The following GET4 variants were observed in gnomAD, a reference collection of about 807,000 sequenced individuals.
GET4 encodes the protein Golgi to ER traffic protein 4 homolog.
In GET4, 20 loss-of-function variants were observed where a neutral mutation model predicts 40.0. The ratio of observed to expected loss-of-function variants is 0.50; its 90% CI spans 0.35 to 0.73. The LOEUF is 0.73. Ranked by LOEUF, GET4 falls within the 30% of genes least tolerant of loss-of-function variation. GET4 has a pLI of 0.01. For synonymous variants in GET4, 280 were observed against 194.6 expected, an observed-to-expected ratio of 1.44 and a Z score of -3.65; for missense variants, 557 against 454.0, an observed-to-expected ratio of 1.23 and a Z score of -2.06.
intron 4 of GET4, among the ~76,000 whole-genome samples, chr7:888,059 C>T (rs923018260): frequency 6.6e-5 from 10 of 152,126 alleles, no homozygotes; most frequent in Admixed American, 1.3e-4. Flanking sequence ...GCGTCCTCCC[C>T]AGGGCATTCC....
At chr7:890,827 CGGGCAGGT>C (rs1375419218) in intron 4 of GET4, 93 bp from the exon 5 acceptor site, 1 of 939,112 alleles carries the variant, frequency 1.1e-6, no homozygotes, top group Non-Finnish European at 1.7e-6. Flanking sequence ...TCCTCCAGGG[CGGGCAGGT>C]GGGCTAGAAT....
In GET4 at chr7:887,585, TC is replaced by T. The variant is rs749774080; in HGVS notation, c.466+68del. 824 of 1,253,838 alleles carry T rather than the reference TC, an allele frequency of 6.6e-4. 1 individual carries two copies. Among genetic ancestry groups the T allele is most frequent in the Non-Finnish European group, 8.2e-4 (769 of 933,044 alleles). The allele number at this position is 1,253,838 out of a possible 1,614,324, so 77.7% of individuals were successfully genotyped here. ...CTCGGCGTTGATTTGCACTGTGCGT[TC>T]CAATACATCAGGGTCACCCACCAGG... On this transcript the variant is annotated intron_variant, in intron 4 of 8. Coordinates refer to ENST00000265857, the MANE Select transcript of GET4 (RefSeq NM_015949.3).
chr7:892,461 C>T lies in GET4; in HGVS notation c.746+43C>T, dbSNP rs183022106. 5,184 of 1,573,434 alleles carry T rather than the reference C, an allele frequency of 3.3e-3. 18 individuals carry two copies. Among genetic ancestry groups the T allele is most frequent in the Non-Finnish European group, 3.7e-3 (4,288 of 1,150,006 alleles). ...GCAGGGGGAGGGGGCTGTGAATGTGCGGGTTGTGTGTAGACGTGGTGTGGA... is the reference window on the plus strand; with the variant it reads ...GCAGGGGGAGGGGGCTGTGAATGTGTGGGTTGTGTGTAGACGTGGTGTGGA... On this transcript the variant is annotated intron_variant, in intron 6 of 8. Coordinates refer to ENST00000265857, the MANE Select transcript of GET4 (RefSeq NM_015949.3).
At chr7:894,063 C>T (rs1017221525) in intron 8 of GET4, 92 bp downstream of exon 8, 5 of 693,824 alleles carry the variant, frequency 7.2e-6, no homozygotes, top group African/African-American at 1.8e-5. Context: ...CGGTCCTTCA[C>T]GTGGAAGTGG....
Position 892,428 on chromosome 7 carries a change from G to C in GET4, c.746+10G>C. ...TGCTGGCTGTGGACGGGTGCGTCTT[G>C]GGATCCTGCAGGGGGAGGGGGCTGT... On this transcript the variant is annotated intron_variant, in intron 6 of 8. Coordinates refer to ENST00000265857, the MANE Select transcript of GET4 (RefSeq NM_015949.3). 6.3e-7 allele frequency: 1 copy of C among 1,584,360 alleles called. No homozygotes were observed. Among genetic ancestry groups the C allele is most frequent in the Non-Finnish European group, 8.6e-7 (1 of 1,156,464 alleles).
intron 4 of GET4, among the ~76,000 whole-genome samples, chr7:889,006 C>T (rs2128628454): frequency 6.6e-6 from 1 of 152,360 alleles, no homozygotes; most frequent in Non-Finnish European, 1.5e-5. Context: ...TGGCGTGGGA[C>T]AGGTGATGCC....
In GET4 at chr7:883,457, C is replaced by G. The variant is rs1285406567; in HGVS notation, c.156-2599C>G. 5 of 965,576 alleles carry G rather than the reference C, an allele frequency of 5.2e-6. No individual in the cohort carries two copies. In the African/African-American group the frequency reaches 8.8e-5, roughly 17 times the overall value. 59.8% of individuals were successfully genotyped at this position (965,576 alleles called of 1,614,324 possible). A position where few individuals can be genotyped will look rare whatever the true frequency, so the allele number is the denominator to read the frequency against. On this transcript the variant is annotated intron_variant, in intron 1 of 8. Coordinates refer to ENST00000265857, the MANE Select transcript of GET4 (RefSeq NM_015949.3). ...GCCACTAGTTCTAATGCTTGCGTTT[C>G]TGTGTTCTGCTTTTTAATGTTTTTG...
At chr7:891,415 C>G (rs1844319382) in intron 5 of GET4, among the ~76,000 whole-genome samples, 1 of 152,248 alleles carries the variant, frequency 6.6e-6, no homozygotes. Flanking sequence ...TTGTGAGCAT[C>G]TACCCCGCGG....
chr7:880,840 C>T (rs74389110), intron 1 of GET4: 17,450 of 152,208 alleles, frequency 0.11, 1,189 homozygotes, highest in South Asian at 0.24. Context: ...GGTGTATCGC[C>T]GCCAGAGAAG....
At chr7:883,573 A>C (rs1844128383) in intron 1 of GET4, 1 of 984,360 alleles carries the variant, frequency 1.0e-6, no homozygotes, top group Admixed American at 6.1e-5. Flanking sequence ...ACCAGCGCTC[A>C]CTGGCTCTCA....
intron 1 of GET4, chr7:884,151 G>A (rs1202470486): frequency 7.8e-6 from 10 of 1,280,934 alleles, no homozygotes; most frequent in Admixed American, 4.7e-5. Context: ...CATCCAGAAC[G>A]CTGTAGTATC....
intron 5 of GET4, 53 bp from the exon 6 acceptor site, chr7:892,225 G>A: frequency 6.4e-7 from 1 of 1,571,850 alleles, no homozygotes. Context: ...CGCCTGTGCG[G>A]GCAGAAGCTG....
intron 1 of GET4, chr7:882,028 A>G (rs893191493): frequency 6.6e-6 from 1 of 152,188 alleles, no homozygotes; most frequent in Non-Finnish European, 1.5e-5. Context: ...ATGGCTGCAT[A>G]GTATTCCGCG....
chr7:886,787 TC>T, intron 3 of GET4, 137 bp downstream of exon 3: 1 of 654,910 alleles, frequency 1.5e-6, no homozygotes, highest in African/African-American at 1.8e-5. Context: ...CAGAGGCAGT[TC>T]CCACCCGGTC....
intron 1 of GET4, chr7:884,144 C>A: frequency 7.9e-7 from 1 of 1,271,358 alleles, no homozygotes; most frequent in South Asian, 1.3e-5. Context: ...ATAGAAGCAT[C>A]CAGAACGCTG....
At chr7:877,667 C>T (rs1843990667) in intron 1 of GET4, among the ~76,000 whole-genome samples, 1 of 134,756 alleles carries the variant, frequency 7.4e-6, no homozygotes, top group Non-Finnish European at 1.6e-5. Flanking sequence ...CCTTCACCTG[C>T]TCCCCACCCC....
chr7:876,765 C>G lies in GET4; in HGVS notation c.120C>G (p.Tyr40Ter), dbSNP rs1260491226. 1.5e-6 allele frequency: 2 copies of G among 1,348,290 alleles called. No homozygotes were observed. Among genetic ancestry groups the G allele is most frequent in the Non-Finnish European group, 1.9e-6 (2 of 1,035,412 alleles). The allele number at this position is 1,348,290 out of a possible 1,614,324, so 83.5% of individuals were successfully genotyped here. A position where few individuals can be genotyped will look rare whatever the true frequency, so the allele number is the denominator to read the frequency against. ...LRASVEKGDY[Y>*]EAHQMYRTLF... ...CCAGCGTCGAGAAGGGCGACTACTACGAGGCGCACCAGATGTACCGGACCC... is the reference window on the plus strand; with the variant it reads ...CCAGCGTCGAGAAGGGCGACTACTAGGAGGCGCACCAGATGTACCGGACCC... The change falls in exon 1 of 9, where the codon TAC (tyrosine) becomes TAG (stop). Residue 40 changes from tyrosine (Y) to a stop codon, truncating the protein, a stop_gained. Transcript: ENST00000265857. LOFTEE classifies it high-confidence loss of function.
intron 8 of GET4, among the ~76,000 whole-genome samples, chr7:894,979 C>A (rs982133702): frequency 6.6e-6 from 1 of 151,862 alleles, no homozygotes; most frequent in Non-Finnish European, 1.5e-5. Flanking sequence ...TCAAAAATCT[C>A]TTTCCGTGAG....
At chr7:891,258 T>G (rs1257581059) in intron 5 of GET4, among the ~76,000 whole-genome samples, 192 bp downstream of exon 5, 1 of 152,186 alleles carries the variant, frequency 6.6e-6, no homozygotes, top group African/African-American at 2.4e-5. Context: ...AAGAAGTATT[T>G]TAGAAACTCC....
Sources: allele counts gnomAD v4.1 joint callset (sites outside exome capture counted in the v4.1 genomes callset), GRCh38; gene constraint gnomAD v4.1.1; transcripts MANE v1.5; gene names NCBI Gene and HGNC (gene_info 2026-07-23, HGNC 2026-07-21).